The following PPFIA2 variants were observed in gnomAD, a reference collection of about 807,000 sequenced individuals.
The protein encoded by PPFIA2 is liprin-alpha-2.
In PPFIA2, 46 loss-of-function variants were observed where a neutral mutation model predicts 175.5. The ratio of observed to expected loss-of-function variants is 0.26; its 90% confidence interval spans 0.21 to 0.34. PPFIA2 has a LOEUF of 0.34. Among genes scored for constraint, PPFIA2 ranks in the 10% least tolerant of loss-of-function variants. The pLI is 1.00. For missense variants in PPFIA2, 1,179 were observed against 1,506.1 expected (o/e 0.78, Z 3.60); for synonymous variants, 568 against 511.4 (o/e 1.11, Z -1.49).
At chr12:81,606,470 C>T (rs542464924) in intron 4 of PPFIA2, among the ~76,000 whole-genome samples, 2 of 152,060 alleles carry the variant, frequency 1.3e-5, no homozygotes, top group Non-Finnish European at 2.9e-5. Context: ...TCCACAGCAT[C>T]ACCAGCATCT....
chr12:81,494,874 C>T (rs866396510), intron 4 of PPFIA2, among the ~76,000 whole-genome samples: 6 of 140,244 alleles, frequency 4.3e-5, no homozygotes, highest in Non-Finnish European at 9.0e-5. Context: ...TGTTCTCACT[C>T]ATAGGTGGGA....
At chr12:81,716,034 T>C (rs1398134713) in intron 3 of PPFIA2, among the ~76,000 whole-genome samples, 1 of 151,590 alleles carries the variant, frequency 6.6e-6, no homozygotes. Context: ...TAATAACATG[T>C]AATATTCATA....
At chr12:81,384,739 T>G (rs2038547795) in intron 8 of PPFIA2, among the ~76,000 whole-genome samples, 1 of 152,130 alleles carries the variant, frequency 6.6e-6, no homozygotes, top group African/African-American at 2.4e-5. Flanking sequence ...CAAATATTTT[T>G]TATCAAAGAT....
intron 7 of PPFIA2, among the ~76,000 whole-genome samples, chr12:81,426,874 A>G (rs1032934707): frequency 1.3e-5 from 2 of 152,104 alleles, no homozygotes; most frequent in Non-Finnish European, 2.9e-5. Context: ...CAATGTTCTC[A>G]TGCTATTTAT....
At chr12:81,602,453 G>A (rs2059895683) in intron 4 of PPFIA2, among the ~76,000 whole-genome samples, 1 of 147,990 alleles carries the variant, frequency 6.8e-6, no homozygotes, top group Admixed American at 6.7e-5. Flanking sequence ...AGGTTGTGTT[G>A]TTGTTATGGT....
At chr12:81,387,463 G>A (rs2039233608) in intron 8 of PPFIA2, among the ~76,000 whole-genome samples, 1 of 152,060 alleles carries the variant, frequency 6.6e-6, no homozygotes, top group Non-Finnish European at 1.5e-5. Flanking sequence ...CACAGAGAAA[G>A]GAAATGCAGG....
At chr12:81,561,224 C>T (rs1223696860) in intron 4 of PPFIA2, among the ~76,000 whole-genome samples, 2 of 152,168 alleles carry the variant, frequency 1.3e-5, no homozygotes, top group Non-Finnish European at 2.9e-5. Flanking sequence ...ACTTCATGAA[C>T]AGAATATGCT....
chr12:81,668,438 C>T (rs1043083098), intron 4 of PPFIA2, among the ~76,000 whole-genome samples: 1 of 152,056 alleles, frequency 6.6e-6, no homozygotes, highest in Admixed American at 6.6e-5. Context: ...TGCATGTCCG[C>T]AAACTCCAAG....
chr12:81,382,019 G>C (rs2037832305), intron 9 of PPFIA2, among the ~76,000 whole-genome samples: 1 of 152,108 alleles, frequency 6.6e-6, no homozygotes, highest in Admixed American at 6.6e-5. Context: ...TAGTTGGGGT[G>C]GGAGGCATAT....
chr12:81,501,408 T>G (rs2060581255), intron 4 of PPFIA2, among the ~76,000 whole-genome samples: 1 of 152,176 alleles, frequency 6.6e-6, no homozygotes, highest in East Asian at 1.9e-4. Flanking sequence ...TCAGAACATG[T>G]ATCACTATCT....
At chr12:81,313,193 G>C (rs202033610) in intron 22 of PPFIA2, among the ~76,000 whole-genome samples, 1 of 152,052 alleles carries the variant, frequency 6.6e-6, no homozygotes, top group Non-Finnish European at 1.5e-5. Context: ...AAATTCATGA[G>C]AGTATTGTTT....
intron 4 of PPFIA2, among the ~76,000 whole-genome samples, chr12:81,660,568 C>T (rs566204285): frequency 0.016 from 2,475 of 152,084 alleles, 27 homozygotes; most frequent in Middle Eastern, 0.061. Flanking sequence ...AATCTACGTC[C>T]CATTGGTGTA....
At chr12:81,608,152 T>C (rs2060520160) in intron 4 of PPFIA2, among the ~76,000 whole-genome samples, 1 of 152,152 alleles carries the variant, frequency 6.6e-6, no homozygotes, top group African/African-American at 2.4e-5. Context: ...GCCCACTTGA[T>C]TGTGGTGAAT....
chr12:81,635,909 ATC>A (rs112608940), intron 4 of PPFIA2, among the ~76,000 whole-genome samples: 5 of 150,338 alleles, frequency 3.3e-5, no homozygotes, highest in African/African-American at 9.7e-5. Flanking sequence ...GGAAAATGCA[ATC>A]TCTCTCTCTC....
chr12:81,648,164 A>C (rs906988297), intron 4 of PPFIA2, among the ~76,000 whole-genome samples: 7 of 151,834 alleles, frequency 4.6e-5, no homozygotes, highest in African/African-American at 1.7e-4. Flanking sequence ...AAGAAAAATC[A>C]CATTATTTTC....
chr12:81,405,815 A>G lies in PPFIA2; in HGVS notation c.734T>C (p.Met245Thr), dbSNP rs373447282. Reference protein sequence around the residue: ...GSTESEHLEGMEPGQKVHEKR... With the variant: ...GSTESEHLEGTEPGQKVHEKR... Reference sequence around the variant, plus strand: ...CTCATGGACTTTCTGTCCAGGTTCCATCCCTTCAAGATGTTCTGACTCTGT... The same window carrying G: ...CTCATGGACTTTCTGTCCAGGTTCCGTCCCTTCAAGATGTTCTGACTCTGT... Residue 245 changes from methionine to threonine, a missense_variant, in exon 8 of 33, where the codon ATG becomes ACG. Met to Thr is a moderately conservative substitution (Grantham distance 81, BLOSUM62 -1). Transcript: ENST00000549396. 1 of 1,577,548 alleles carries G rather than the reference A, an allele frequency of 6.3e-7. No homozygotes were observed. Among genetic ancestry groups the G allele is most frequent in the Non-Finnish European group, 8.6e-7 (1 of 1,159,516 alleles).
chr12:81,307,117 C>A (rs1473903542), intron 22 of PPFIA2, among the ~76,000 whole-genome samples: 1 of 152,138 alleles, frequency 6.6e-6, no homozygotes, highest in Non-Finnish European at 1.5e-5. Context: ...TAACTCCTGG[C>A]TTCCCTTTTA....
chr12:81,651,112 C>T (rs1000692021), intron 4 of PPFIA2, among the ~76,000 whole-genome samples: 1 of 152,126 alleles, frequency 6.6e-6, no homozygotes, highest in South Asian at 2.1e-4. Flanking sequence ...TTTGAGGAAT[C>T]TGGCTATATA....
At chr12:81,549,621 T>A (rs771738697) in intron 4 of PPFIA2, among the ~76,000 whole-genome samples, 1 of 152,020 alleles carries the variant, frequency 6.6e-6, no homozygotes, top group Non-Finnish European at 1.5e-5. Flanking sequence ...CTTGAATATG[T>A]CCCATTCCAT....
Sources: allele counts gnomAD v4.1 joint callset (sites outside exome capture counted in the v4.1 genomes callset), GRCh38; gene constraint gnomAD v4.1.1; transcripts MANE v1.5; gene names NCBI Gene and HGNC (gene_info 2026-07-23, HGNC 2026-07-21).